Variants in RAB38 observed in about 807,000 individuals in gnomAD.
The protein encoded by RAB38 is ras-related protein Rab-38.
Under a neutral mutation model 18.4 loss-of-function variants are expected in RAB38, and 15 were observed. That is an observed-to-expected ratio of 0.82 (90% CI 0.55 to 1.26). The LOEUF (loss-of-function observed/expected upper bound fraction) is 1.26, where lower values mean the gene tolerates loss of function less well. Ranked by LOEUF, RAB38 falls within the 50% of genes most tolerant of loss-of-function variation. The pLI is 0.00. For synonymous variants in RAB38, 101 were observed against 104.4 expected (o/e 0.97, Z 0.20); for missense variants, 294 against 267.4 (o/e 1.10, Z -0.69).
the RAB38 span, among the ~76,000 whole-genome samples, chr11:87,961,227 C>A: frequency 2.0e-5 from 3 of 152,102 alleles, no homozygotes; most frequent in Admixed American, 1.3e-4. Context: ...AGAGTAAAAG[C>A]TGAGGACATT....
chr11:87,862,546 AC>A, the RAB38 span, among the ~76,000 whole-genome samples: 6 of 151,772 alleles, frequency 4.0e-5, no homozygotes, highest in Non-Finnish European at 8.8e-5. Context: ...ATCAGGAAAA[AC>A]AACTAATAGG....
chr11:88,060,999 G>A, the RAB38 span, among the ~76,000 whole-genome samples: 1 of 152,144 alleles, frequency 6.6e-6, no homozygotes, highest in Admixed American at 6.5e-5. Flanking sequence ...TTGCCTGTGA[G>A]GACAACAATT....
the RAB38 span, among the ~76,000 whole-genome samples, chr11:87,853,252 T>A: frequency 1.3e-5 from 2 of 152,202 alleles, no homozygotes; most frequent in Admixed American, 1.3e-4. Context: ...ATTTCAGCCC[T>A]AACTCCTAAT....
chr11:87,965,380 C>T, the RAB38 span, among the ~76,000 whole-genome samples: 4 of 151,958 alleles, frequency 2.6e-5, no homozygotes, highest in Admixed American at 2.6e-4. Context: ...GATTGCCTTT[C>T]ATAAAAAGGG....
the RAB38 span, among the ~76,000 whole-genome samples, chr11:88,029,451 C>A: frequency 1.3e-5 from 2 of 152,068 alleles, no homozygotes; most frequent in African/African-American, 2.4e-5. Flanking sequence ...GATAAAGAGT[C>A]AAGACCCATC....
chr11:87,906,372 A>C, the RAB38 span, among the ~76,000 whole-genome samples: 1 of 151,928 alleles, frequency 6.6e-6, no homozygotes, highest in Non-Finnish European at 1.5e-5. Flanking sequence ...CTCATTAGTT[A>C]TGTGAATTTT....
chr11:88,050,595 C>G, the RAB38 span, among the ~76,000 whole-genome samples: 1,067 of 152,274 alleles, frequency 7.0e-3, 63 homozygotes, highest in Non-Finnish European at 1.1e-3. Context: ...AAAAGTTTTA[C>G]TAGAAAGAAT....
the RAB38 span, among the ~76,000 whole-genome samples, chr11:88,071,856 G>A: frequency 2.6e-5 from 4 of 152,292 alleles, no homozygotes; most frequent in Admixed American, 6.5e-5. Context: ...CACACTGGAG[G>A]ATTTGAAAGC....
intron 1 of RAB38, among the ~76,000 whole-genome samples, chr11:88,164,602 C>G (rs980230224): frequency 2.1e-4 from 30 of 145,796 alleles, no homozygotes; most frequent in Non-Finnish European, 3.1e-5. Context: ...AACAATGAAA[C>G]AAAAATAATT....
chr11:87,943,881 A>C, the RAB38 span, among the ~76,000 whole-genome samples: 411 of 152,256 alleles, frequency 2.7e-3, 2 homozygotes, highest in African/African-American at 9.3e-3. Context: ...AGTATGCAAA[A>C]ATGTAACTTA....
the RAB38 span, among the ~76,000 whole-genome samples, chr11:87,914,890 G>A: frequency 1.3e-5 from 2 of 152,170 alleles, no homozygotes; most frequent in African/African-American, 4.8e-5. Context: ...CAGGTGGTAA[G>A]CTTTGGCAGC....
the RAB38 span, among the ~76,000 whole-genome samples, chr11:87,900,792 A>C: frequency 6.6e-6 from 1 of 151,266 alleles, no homozygotes; most frequent in Non-Finnish European, 1.5e-5. Flanking sequence ...AAAAGAATAC[A>C]AAAAGATAAG....
the RAB38 span, among the ~76,000 whole-genome samples, chr11:87,865,484 T>A: frequency 1.3e-5 from 2 of 151,532 alleles, no homozygotes; most frequent in Non-Finnish European, 3.0e-5. Context: ...TTTGAAAAGG[T>A]GAAGTAAGGG....
At chr11:87,885,927 T>C in the RAB38 span, among the ~76,000 whole-genome samples, 1 of 152,014 alleles carries the variant, frequency 6.6e-6, no homozygotes, top group Non-Finnish European at 1.5e-5. Flanking sequence ...AGTTCTTTTC[T>C]TTCTTTTCTG....
intron 2 of RAB38, among the ~76,000 whole-genome samples, chr11:88,126,200 C>T (rs938903324): frequency 2.6e-5 from 4 of 152,144 alleles, no homozygotes; most frequent in African/African-American, 9.7e-5. Context: ...GCAATGCGGG[C>T]TCTTTTTTGG....
At chr11:87,923,124 T>C in the RAB38 span, among the ~76,000 whole-genome samples, 1 of 151,998 alleles carries the variant, frequency 6.6e-6, no homozygotes, top group African/African-American at 2.4e-5. Context: ...ATAAGGTAAG[T>C]ATATTTTTCA....
At chr11:87,928,877 G>A in the RAB38 span, among the ~76,000 whole-genome samples, 1 of 152,096 alleles carries the variant, frequency 6.6e-6, no homozygotes, top group Admixed American at 6.6e-5. Context: ...CACTTTGGGA[G>A]GCCAACGCAG....
the RAB38 span, among the ~76,000 whole-genome samples, chr11:87,893,371 C>CATATATATATATATGTGTATAT: frequency 2.2e-3 from 187 of 86,404 alleles, 2 homozygotes; most frequent in African/African-American, 7.6e-3. Flanking sequence ...ATATATTTTA[C>CATATATATATATATGTGTATAT]ATATATATAT....
chr11:88,095,367 T>C, the RAB38 span, among the ~76,000 whole-genome samples: 4 of 151,822 alleles, frequency 2.6e-5, no homozygotes, highest in East Asian at 1.9e-4. Context: ...TACCTACTGA[T>C]AGACCCACTG....
Sources: gnomAD v4.1 joint callset for allele counts (sites outside exome capture counted in the v4.1 genomes callset) on GRCh38, gnomAD v4.1.1 for gene constraint, MANE v1.5 for transcripts, NCBI Gene and HGNC (gene_info 2026-07-23, HGNC 2026-07-21) for gene names.